The following SPATS2L variants were observed in gnomAD, a reference collection of about 807,000 sequenced individuals.
SPATS2L encodes the protein spermatogenesis associated serine rich 2 like.
Under a neutral mutation model 59.6 loss-of-function variants are expected in SPATS2L, and 30 were observed. That is an observed-to-expected ratio of 0.50 (90% CI 0.38 to 0.68). The LOEUF (loss-of-function observed/expected upper bound fraction) is 0.68. SPATS2L is among the 30% of genes least tolerant of loss of function. The pLI, the probability that SPATS2L is intolerant of heterozygous loss-of-function variation, is 0.00. For missense variants in SPATS2L, 615 were observed against 700.0 expected (o/e 0.88, Z 1.37); for synonymous variants, 252 against 263.5 (o/e 0.96, Z 0.42).
intron 9 of SPATS2L, among the ~76,000 whole-genome samples, chr2:200,463,851 T>C (rs982468263): frequency 1.3e-5 from 2 of 152,264 alleles, no homozygotes; most frequent in Non-Finnish European, 2.9e-5. Context: ...CTCCAGCTCC[T>C]GGCCCCTGGC....
At chr2:200,369,553 AGGAAGCCT>A (rs1337258845) in intron 2 of SPATS2L, among the ~76,000 whole-genome samples, 1 of 152,218 alleles carries the variant, frequency 6.6e-6, no homozygotes, top group Admixed American at 6.5e-5. Context: ...GAAAAGTGTC[AGGAAGCCT>A]GGAATCCAGG....
chr2:200,439,015 T>G (rs960526451), intron 6 of SPATS2L, 107 bp from the exon 7 acceptor site: 2 of 818,512 alleles, frequency 2.4e-6, no homozygotes, highest in African/African-American at 3.4e-5. Context: ...TGAAAGGCAT[T>G]ATTGCCAATA....
chr2:200,458,587 C>A (rs2086016569), intron 8 of SPATS2L, among the ~76,000 whole-genome samples: 1 of 152,126 alleles, frequency 6.6e-6, no homozygotes, highest in African/African-American at 2.4e-5. Flanking sequence ...CTCTTCAGGA[C>A]AAACAACCTA....
intron 1 of SPATS2L, among the ~76,000 whole-genome samples, chr2:200,307,628 G>A (rs762948514): frequency 2.6e-5 from 4 of 152,348 alleles, no homozygotes; most frequent in Non-Finnish European, 4.4e-5. Flanking sequence ...CGGGGTTGTC[G>A]TAGGATGCGC....
intron 9 of SPATS2L, among the ~76,000 whole-genome samples, chr2:200,466,937 G>A (rs192915472): frequency 6.4e-4 from 98 of 152,344 alleles, no homozygotes; most frequent in African/African-American, 2.2e-3. Context: ...GTATCACTCA[G>A]AGAGGATTTT....
chr2:200,469,762 T>C (rs1383614037), intron 10 of SPATS2L, 152 bp from the exon 11 acceptor site: 1 of 611,422 alleles, frequency 1.6e-6, no homozygotes, highest in Admixed American at 3.1e-5. Context: ...GCACTAAGAC[T>C]GAGCGTGGAG....
intron 4 of SPATS2L, among the ~76,000 whole-genome samples, chr2:200,415,189 T>C (rs1164764613): frequency 1.3e-5 from 2 of 152,224 alleles, no homozygotes; most frequent in African/African-American, 2.4e-5. Flanking sequence ...TGCAGTCTTA[T>C]TATTTCAAGT....
At chr2:200,461,116 C>G (rs1007406320) in intron 9 of SPATS2L, 1 of 152,124 alleles carries the variant, frequency 6.6e-6, no homozygotes, top group African/African-American at 2.4e-5. Flanking sequence ...CCGGCCTAAA[C>G]AGTTTTCTTA....
chr2:200,462,833 G>A (rs749574286), intron 9 of SPATS2L, among the ~76,000 whole-genome samples: 33 of 152,072 alleles, frequency 2.2e-4, no homozygotes, highest in Non-Finnish European at 3.8e-4. Flanking sequence ...GGATGAGAGG[G>A]GAGAATCACT....
At chr2:200,366,266 AG>A (rs2081265622) in intron 2 of SPATS2L, among the ~76,000 whole-genome samples, 1 of 152,230 alleles carries the variant, frequency 6.6e-6, no homozygotes, top group South Asian at 2.1e-4. Context: ...ATACATTAAC[AG>A]TCAACAGATT....
intron 6 of SPATS2L, among the ~76,000 whole-genome samples, chr2:200,425,174 CA>C (rs1559120235): frequency 2.4e-5 from 3 of 124,312 alleles, no homozygotes; most frequent in Non-Finnish European, 4.7e-5. Flanking sequence ...CAAACAACAA[CA>C]AAAACACCTC....
intron 1 of SPATS2L, among the ~76,000 whole-genome samples, chr2:200,312,089 C>A (rs986697325): frequency 6.6e-6 from 1 of 152,060 alleles, no homozygotes; most frequent in Non-Finnish European, 1.5e-5. Context: ...TATATAGATA[C>A]CTGCAGTAAT....
chr2:200,425,062 T>C (rs2083479264), intron 6 of SPATS2L, among the ~76,000 whole-genome samples: 1 of 147,280 alleles, frequency 6.8e-6, no homozygotes, highest in African/African-American at 2.5e-5. Context: ...TGCTTTCTCA[T>C]CCTCAAGTGA....
chr2:200,354,607 C>CA (rs143187601), intron 2 of SPATS2L, among the ~76,000 whole-genome samples: 29,334 of 148,042 alleles, frequency 0.2, 4,923 homozygotes, highest in African/African-American at 0.46. Context: ...GACTCCGTCT[C>CA]AAAAAAAAAG....
intron 2 of SPATS2L, among the ~76,000 whole-genome samples, chr2:200,360,229 CTCT>C (rs1355452158): frequency 2.0e-5 from 3 of 152,166 alleles, no homozygotes; most frequent in African/African-American, 7.2e-5. Flanking sequence ...TCCATTTATT[CTCT>C]TCTTCAAAAA....
At chr2:200,379,650 TC>T (rs2081731661) in intron 2 of SPATS2L, among the ~76,000 whole-genome samples, 1 of 151,522 alleles carries the variant, frequency 6.6e-6, no homozygotes. Context: ...TGATCTTTTG[TC>T]CAAACCCCTC....
chr2:200,325,492 C>CCT (rs1430676861), intron 1 of SPATS2L, among the ~76,000 whole-genome samples: 3 of 152,138 alleles, frequency 2.0e-5, no homozygotes, highest in African/African-American at 7.2e-5. Context: ...AATTCTGCTG[C>CCT]CTCAGCCTCC....
At chr2:200,419,589 T>C (rs1389779923) in intron 6 of SPATS2L, 93 bp downstream of exon 6, 18 of 1,446,438 alleles carry the variant, frequency 1.2e-5, no homozygotes, top group Non-Finnish European at 1.7e-5. Context: ...TTGTTGAAAA[T>C]GGAAGGTTGT....
intron 3 of SPATS2L, among the ~76,000 whole-genome samples, chr2:200,403,052 C>T (rs74448146): frequency 6.6e-6 from 1 of 152,248 alleles, no homozygotes; most frequent in South Asian, 2.1e-4. Flanking sequence ...AGTAAAGGCC[C>T]GGGGACACTT....
Sources: allele counts gnomAD v4.1 joint callset (sites outside exome capture counted in the v4.1 genomes callset), GRCh38; gene constraint gnomAD v4.1.1; transcripts MANE v1.5; gene names NCBI Gene and HGNC (gene_info 2026-07-23, HGNC 2026-07-21).